RBFOX1: variants seen among roughly 807,000 people sequenced by gnomAD.
RBFOX1 encodes RNA binding protein fox-1 homolog 1.
A neutral mutation model predicts 57.7 loss-of-function variants in RBFOX1; 8 were observed. That is an observed-to-expected ratio of 0.14 (90% CI 0.08 to 0.25). The LOEUF (loss-of-function observed/expected upper bound fraction) is 0.25. RBFOX1 is among the 10% of genes least tolerant of loss of function. The pLI is 1.00. For missense variants in RBFOX1, 611 were observed against 548.5 expected (o/e 1.11, Z -1.14); for synonymous variants, 326 against 222.4 (o/e 1.47, Z -4.15).
chr16:6,686,711 C>A (rs190311394), intron 3 of RBFOX1, among the ~76,000 whole-genome samples: 14 of 152,270 alleles, frequency 9.2e-5, no homozygotes, highest in African/African-American at 2.9e-4. Flanking sequence ...AATTGTGAGA[C>A]TAACCTTCCC....
chr16:6,455,826 G>A (rs972438450), intron 2 of RBFOX1, among the ~76,000 whole-genome samples: 22 of 152,272 alleles, frequency 1.4e-4, no homozygotes, highest in African/African-American at 5.3e-4. Context: ...TTATAATAAA[G>A]GTGCAGATTC....
intron 4 of RBFOX1, among the ~76,000 whole-genome samples, chr16:7,190,512 GTGATACTC>G (rs2085109727): frequency 6.6e-6 from 1 of 150,972 alleles, no homozygotes; most frequent in Non-Finnish European, 1.5e-5. Flanking sequence ...TCTTTCCTGA[GTGATACTC>G]TGATCTCTAT....
intron 1 of RBFOX1, among the ~76,000 whole-genome samples, chr16:6,288,706 A>C (rs2077148312): frequency 6.6e-6 from 1 of 152,134 alleles, no homozygotes; most frequent in Non-Finnish European, 1.5e-5. Context: ...TATGTTGCTT[A>C]CTGTCTCTGC....
chr16:5,921,554 T>C (rs2058821772), intron 4 of RBFOX1, among the ~76,000 whole-genome samples: 1 of 152,094 alleles, frequency 6.6e-6, no homozygotes, highest in Admixed American at 6.6e-5. Context: ...GATAAGACTA[T>C]TGATAATAGC....
At chr16:6,455,975 C>T (rs556667880) in intron 2 of RBFOX1, among the ~76,000 whole-genome samples, 8 of 151,866 alleles carry the variant, frequency 5.3e-5, no homozygotes, top group Non-Finnish European at 1.2e-4. Flanking sequence ...TAAAGCTAGC[C>T]ACTGGAACTG....
chr16:6,985,840 A>AAAAAAAAC, intron 3 of RBFOX1, among the ~76,000 whole-genome samples: 1 of 123,014 alleles, frequency 8.1e-6, no homozygotes, highest in East Asian at 2.2e-4. Context: ...TGTAAAAAAA[A>AAAAAAAAC]AAAAAAACAG....
intron 2 of RBFOX1, among the ~76,000 whole-genome samples, chr16:6,347,593 G>A (rs144449898): frequency 2.6e-5 from 4 of 152,346 alleles, no homozygotes; most frequent in African/African-American, 9.6e-5. Flanking sequence ...TGCTAGCTGG[G>A]TGAAGGACGC....
intron 4 of RBFOX1, among the ~76,000 whole-genome samples, chr16:7,215,359 A>G (rs1455377735): frequency 1.3e-5 from 2 of 152,214 alleles, no homozygotes; most frequent in Non-Finnish European, 2.9e-5. Flanking sequence ...CTATAAAGAC[A>G]CCTGCACATG....
At chr16:6,811,505 T>A (rs892563650) in intron 3 of RBFOX1, among the ~76,000 whole-genome samples, 6 of 152,222 alleles carry the variant, frequency 3.9e-5, no homozygotes, top group African/African-American at 1.4e-4. Flanking sequence ...TTTAAGTGAT[T>A]ATGTAGCTAG....
At chr16:7,620,093 A>T (rs761681709) in intron 10 of RBFOX1, among the ~76,000 whole-genome samples, 1 of 152,244 alleles carries the variant, frequency 6.6e-6, no homozygotes, top group Non-Finnish European at 1.5e-5. Flanking sequence ...CAATAGTTCA[A>T]TAGCTATAAA....
intron 4 of RBFOX1, among the ~76,000 whole-genome samples, chr16:5,996,005 A>T (rs946164646): frequency 5.3e-5 from 8 of 152,110 alleles, no homozygotes; most frequent in African/African-American, 1.9e-4. Flanking sequence ...TTGTTTTCAC[A>T]TGGTGGAAGG....
rs556066047 is a variant in RBFOX1, at chr16:7,296,045, A to G, written c.28-222102A>G. Among the ~76,000 whole-genome samples the G allele has an allele frequency of 3.0e-4, 45 of 151,850 alleles. 1 individual carries two copies. In the South Asian group the frequency reaches 9.0e-3, roughly 30 times the overall value. On this transcript the variant is annotated intron_variant, in intron 4 of 15. Coordinates refer to ENST00000550418, the MANE Select transcript of RBFOX1 (RefSeq NM_018723.4). ...TCGTGATAGCTAACAAGTATTGTTG[A>G]TACTTGTTGTGCCAGTGCCTATGCT...
intron 3 of RBFOX1, among the ~76,000 whole-genome samples, chr16:5,820,245 T>C (rs2055795529): frequency 6.6e-6 from 1 of 152,224 alleles, no homozygotes; most frequent in African/African-American, 2.4e-5. Context: ...GTTCATTCTC[T>C]TAACCGCCAT....
At chr16:5,478,361 G>A (rs1489090371) in intron 2 of RBFOX1, among the ~76,000 whole-genome samples, 1 of 152,092 alleles carries the variant, frequency 6.6e-6, no homozygotes, top group Non-Finnish European at 1.5e-5. Context: ...GGAGTTCCTG[G>A]TGTGCTTCCA....
intron 4 of RBFOX1, among the ~76,000 whole-genome samples, chr16:7,256,830 T>A: frequency 6.6e-6 from 1 of 152,112 alleles, no homozygotes; most frequent in East Asian, 1.9e-4. Context: ...TACGCACACA[T>A]CTTTGCCTTT....
intron 3 of RBFOX1, among the ~76,000 whole-genome samples, chr16:5,811,883 A>G (rs1330990544): frequency 6.6e-6 from 1 of 152,214 alleles, no homozygotes; most frequent in Non-Finnish European, 1.5e-5. Flanking sequence ...ATTTAGCTTT[A>G]GAACTCCATC....
At position 6,121,639 on chromosome 16, in the gene RBFOX1, A is replaced by T. The variant is rs567617552; in HGVS notation, c.-127+101647A>T. ...TTCTGAGGCTCAACTCAGTGGGGAC[A>T]TCTGTTCCTCTGGGAGCTTAGTGTA... On this transcript the variant is annotated intron_variant, in intron 1 of 15. Transcript: ENST00000550418. 2.1e-3 allele frequency among the ~76,000 whole-genome samples: 319 copies of T among 152,278 alleles called. 3 individuals are homozygous for T. Among genetic ancestry groups the T allele is most frequent in the Non-Finnish European group, 2.6e-3 (177 of 68,012 alleles).
At chr16:5,645,309 A>G (rs1321502842) in intron 3 of RBFOX1, among the ~76,000 whole-genome samples, 1 of 152,028 alleles carries the variant, frequency 6.6e-6, no homozygotes, top group African/African-American at 2.4e-5. Context: ...AAGAAGCTGC[A>G]CACAAAAGGC....
intron 4 of RBFOX1, among the ~76,000 whole-genome samples, chr16:7,402,459 C>T (rs758848325): frequency 2.0e-4 from 30 of 152,314 alleles, no homozygotes; most frequent in Middle Eastern, 3.4e-3. Flanking sequence ...ATCCCATCCT[C>T]TTGCATTTGA....
Sources: allele counts gnomAD v4.1 joint callset (sites outside exome capture counted in the v4.1 genomes callset), GRCh38; gene constraint gnomAD v4.1.1; transcripts MANE v1.5; gene names NCBI Gene and HGNC (gene_info 2026-07-23, HGNC 2026-07-21).